ANO10: variants seen among roughly 807,000 people sequenced by gnomAD.
ANO10 encodes the protein anoctamin 10.
Under a neutral mutation model 74.7 loss-of-function variants are expected in ANO10, and 77 were observed. The observed-to-expected ratio is 1.03, with a 90% CI of 0.86 to 1.25. The LOEUF (loss-of-function observed/expected upper bound fraction) is 1.25. ANO10 is among the 50% of genes most tolerant of loss of function. The pLI is 0.00. For missense variants in ANO10, 721 were observed against 778.1 expected (o/e 0.93, Z 0.87); for synonymous variants, 279 against 284.9 (o/e 0.98, Z 0.21).
chr3:43,689,477 C>T (rs1438933921), intron 1 of ANO10: 3 of 152,122 alleles, frequency 2.0e-5, no homozygotes, highest in African/African-American at 7.2e-5. Flanking sequence ...CCAGGAATTC[C>T]TGTAAAAATG....
intron 1 of ANO10, among the ~76,000 whole-genome samples, chr3:43,645,180 G>A (rs145784695): frequency 6.6e-6 from 1 of 152,042 alleles, no homozygotes; most frequent in Non-Finnish European, 1.5e-5. Context: ...CAAGGCTCTG[G>A]TCTAATTTGT....
intron 1 of ANO10, among the ~76,000 whole-genome samples, chr3:43,649,933 G>A (rs761539110): frequency 7.9e-5 from 12 of 152,310 alleles, no homozygotes; most frequent in East Asian, 1.9e-4. Context: ...TCCAGGGGTC[G>A]GAGGCTGTGA....
At chr3:43,468,116 A>T (rs1213537649) in intron 11 of ANO10, among the ~76,000 whole-genome samples, 1 of 152,250 alleles carries the variant, frequency 6.6e-6, no homozygotes, top group Non-Finnish European at 1.5e-5. Flanking sequence ...TAGCAAAATT[A>T]CTTTCCTGCT....
chr3:43,546,535 C>G (rs1480960871), intron 11 of ANO10, among the ~76,000 whole-genome samples: 1 of 152,028 alleles, frequency 6.6e-6, no homozygotes, highest in Non-Finnish European at 1.5e-5. Context: ...AAAAGACAAT[C>G]TTTTCAACAA....
At chr3:43,625,826 C>T (rs1463094925), upstream of ANO10, among the ~76,000 whole-genome samples, 2 of 151,986 alleles carry the variant, frequency 1.3e-5, no homozygotes, top group Admixed American at 1.3e-4. Flanking sequence ...GTTTATTGGC[C>T]GTGAAAACTT....
At chr3:43,475,676 G>A (rs940647262) in intron 11 of ANO10, among the ~76,000 whole-genome samples, 8 of 152,162 alleles carry the variant, frequency 5.3e-5, no homozygotes, top group African/African-American at 7.2e-5. Flanking sequence ...TTGGCTCACT[G>A]CAACCTCTGC....
At chr3:43,476,732 G>A (rs1172854271) in intron 11 of ANO10, among the ~76,000 whole-genome samples, 1 of 152,074 alleles carries the variant, frequency 6.6e-6, no homozygotes, top group Admixed American at 6.6e-5. Flanking sequence ...AACTTAGTAT[G>A]AGCAAGCTAT....
chr3:43,538,252 G>A (rs563878265), intron 11 of ANO10, among the ~76,000 whole-genome samples: 42 of 152,182 alleles, frequency 2.8e-4, no homozygotes, highest in Non-Finnish European at 3.1e-4. Flanking sequence ...CATTCCTAAA[G>A]AAATGGGTTA....
At chr3:43,467,669 T>C (rs2075683710) in intron 11 of ANO10, among the ~76,000 whole-genome samples, 1 of 152,196 alleles carries the variant, frequency 6.6e-6, no homozygotes, top group Non-Finnish European at 1.5e-5. Flanking sequence ...GTGGTGGTGA[T>C]TTTGGATGTA....
At chr3:43,572,203 C>T (rs1575457370) in intron 7 of ANO10, among the ~76,000 whole-genome samples, 1 of 152,168 alleles carries the variant, frequency 6.6e-6, no homozygotes, top group Non-Finnish European at 1.5e-5. Context: ...GCCAGGGGAG[C>T]CCTGCTAAAT....
At chr3:43,457,004 T>C (rs1485492250) in intron 11 of ANO10, among the ~76,000 whole-genome samples, 1 of 152,176 alleles carries the variant, frequency 6.6e-6, no homozygotes, top group Non-Finnish European at 1.5e-5. Flanking sequence ...TTAACATGTT[T>C]TGGCACAATC....
At chr3:43,572,419 A>C (rs2080779724) in intron 7 of ANO10, among the ~76,000 whole-genome samples, 1 of 152,160 alleles carries the variant, frequency 6.6e-6, no homozygotes, top group Admixed American at 6.5e-5. Flanking sequence ...TGGCACTGGC[A>C]AGGGGGCCCC....
chr3:43,561,305 T>C lies in ANO10; in HGVS notation c.1391A>G (p.Lys464Arg), dbSNP rs2080022091. Residue 464 changes from lysine (K) to arginine (R), a missense_variant, in exon 9 of 13, where the codon AAG (lysine) becomes AGG (arginine). Coordinates refer to ENST00000292246, the MANE Select transcript of ANO10 (RefSeq NM_018075.5). ...WLQRKHGVRVKRKVQALKADI... is the reference protein window; with the variant it reads ...WLQRKHGVRVRRKVQALKADI... ...TGCCTTTAAAGCCTGCACCTTCCTC[T>C]TCACCCGCACACCATGCTTCCTTTG... 3 of 1,614,054 alleles carry C rather than the reference T, an allele frequency of 1.9e-6. No homozygotes were observed. Among genetic ancestry groups the C allele is most frequent in the Non-Finnish European group, 2.5e-6 (3 of 1,180,020 alleles).
chr3:43,501,422 C>T (rs1320836503), intron 11 of ANO10, among the ~76,000 whole-genome samples: 1 of 152,112 alleles, frequency 6.6e-6, no homozygotes, highest in Non-Finnish European at 1.5e-5. Flanking sequence ...TTTGGAGGGA[C>T]AAACATCCAA....
intron 11 of ANO10, among the ~76,000 whole-genome samples, chr3:43,498,771 T>C (rs921480730): frequency 2.6e-5 from 4 of 152,304 alleles, no homozygotes; most frequent in East Asian, 1.9e-4. Context: ...AAAATATGAA[T>C]GGGACTGTCC....
intron 1 of ANO10, among the ~76,000 whole-genome samples, chr3:43,643,835 C>T (rs1440925921): frequency 6.6e-6 from 1 of 151,776 alleles, no homozygotes; most frequent in African/African-American, 2.4e-5. Flanking sequence ...AGGCACCCGC[C>T]ACCACGCCCA....
chr3:43,375,078 G>A lies in ANO10; in HGVS notation c.1915-8104C>T, dbSNP rs148704541. The stretch of plus-strand genomic sequence containing the variant: ...GGAGGGTGCAGTGAGCCGAGATTGC[G>A]CCACTACACTCCAGCCTGGGTGACA... On this transcript the variant is annotated intron_variant, in intron 12 of 12. Coordinates refer to ENST00000292246, the MANE Select transcript of ANO10 (RefSeq NM_018075.5). 6.7e-3 allele frequency among the ~76,000 whole-genome samples: 1,006 copies of A among 149,904 alleles called. 19 individuals carry two copies. In the East Asian group the frequency reaches 0.067, roughly 10 times the overall value.
At position 43,380,862 on chromosome 3, in the gene ANO10, C is replaced by T. The variant is rs552742315; in HGVS notation, c.1915-13888G>A. Among the ~76,000 whole-genome samples, 3 of 152,278 alleles carry T rather than the reference C, an allele frequency of 2.0e-5. No homozygotes were observed. In the South Asian group the frequency reaches 6.2e-4, roughly 32 times the overall value. ...ACATCTCAATACTAACTGTATTAAT[C>T]CGTTCTCACGCTGCTATGAAGAAGT... On this transcript the variant is annotated intron_variant, in intron 12 of 12. Transcript: ENST00000292246.
intron 11 of ANO10, among the ~76,000 whole-genome samples, chr3:43,533,230 G>A (rs915302112): frequency 1.3e-5 from 2 of 152,208 alleles, no homozygotes; most frequent in Admixed American, 6.5e-5. Flanking sequence ...AAGCAGGAAT[G>A]AGAAAGGAGC....
Sources: allele counts gnomAD v4.1 joint callset (sites outside exome capture counted in the v4.1 genomes callset), GRCh38; gene constraint gnomAD v4.1.1; transcripts MANE v1.5; gene names NCBI Gene and HGNC (gene_info 2026-07-23, HGNC 2026-07-21).